GAS7: variants seen among roughly 807,000 people sequenced by gnomAD.
The protein encoded by GAS7 is growth arrest specific 7.
A neutral mutation model predicts 71.1 loss-of-function variants in GAS7; 28 were observed. That is an observed-to-expected ratio of 0.39 (90% CI 0.29 to 0.54). The LOEUF (loss-of-function observed/expected upper bound fraction) is 0.54. Ranked by LOEUF, GAS7 falls within the 20% of genes least tolerant of loss-of-function variation. GAS7 has a pLI of 0.62. For synonymous variants in GAS7, 258 were observed against 245.8 expected (o/e 1.05, Z -0.46); for missense variants, 436 against 627.8 (o/e 0.69, Z 3.27).
intron 1 of GAS7, among the ~76,000 whole-genome samples, chr17:10,114,782 C>T (rs2073844899): frequency 6.6e-6 from 1 of 152,050 alleles, no homozygotes; most frequent in Non-Finnish European, 1.5e-5. Flanking sequence ...TTTTTCCACA[C>T]CCTAGAACTT....
At chr17:10,119,205 T>C (rs1355979185) in intron 1 of GAS7, among the ~76,000 whole-genome samples, 5 of 152,180 alleles carry the variant, frequency 3.3e-5, no homozygotes, top group Non-Finnish European at 5.9e-5. Flanking sequence ...ATCGGGGGAA[T>C]AGAACATGGT....
intron 1 of GAS7, among the ~76,000 whole-genome samples, chr17:10,131,482 G>A (rs970323820): frequency 3.9e-5 from 6 of 152,154 alleles, no homozygotes; most frequent in Non-Finnish European, 8.8e-5. Flanking sequence ...AATTAGCCAG[G>A]CGTGTGGCAC....
chr17:9,998,586 G>GT (rs1277918350), intron 2 of GAS7, among the ~76,000 whole-genome samples: 3 of 152,004 alleles, frequency 2.0e-5, no homozygotes, highest in Admixed American at 2.0e-4. Flanking sequence ...GGGCAATATA[G>GT]TGAGACCCCT....
intron 1 of GAS7, among the ~76,000 whole-genome samples, chr17:10,195,202 A>G (rs534970053): frequency 6.6e-6 from 1 of 152,260 alleles, no homozygotes; most frequent in South Asian, 2.1e-4. Flanking sequence ...GATTGCCCCA[A>G]AAACCAAGAC....
At chr17:9,983,694 C>T (rs1597611321) in intron 2 of GAS7, among the ~76,000 whole-genome samples, 3 of 151,004 alleles carry the variant, frequency 2.0e-5, no homozygotes, top group East Asian at 2.0e-4. Context: ...GGCTGAAGCA[C>T]GAGAATCGCT....
At position 10,136,705 on chromosome 17, in the gene GAS7, C is replaced by T. The variant is rs184717521; in HGVS notation, c.183+61503G>A. 1.5e-3 allele frequency among the ~76,000 whole-genome samples: 226 copies of T among 152,296 alleles called. 1 individual carries two copies. Among genetic ancestry groups the T allele is most frequent in the African/African-American group, 5.3e-3 (221 of 41,556 alleles). ...GGGCAGCCAGCGTGATCCTGCAAGA[C>T]ACGAAGACTGATTGTGTCGCCTACA... On this transcript the variant is annotated intron_variant, in intron 1 of 13. Transcript: ENST00000432992.
At chr17:10,112,840 G>GAAAGA (rs907474360) in intron 1 of GAS7, among the ~76,000 whole-genome samples, 1 of 149,344 alleles carries the variant, frequency 6.7e-6, no homozygotes, top group Non-Finnish European at 1.5e-5. Flanking sequence ...AGGAAGGAAA[G>GAAAGA]AAAGAAAAGA....
chr17:10,179,495 C>G (rs2074398686), intron 1 of GAS7, among the ~76,000 whole-genome samples: 2 of 152,166 alleles, frequency 1.3e-5, no homozygotes, highest in African/African-American at 4.8e-5. Context: ...AGATTCCCCT[C>G]CCCTTCAATC....
rs75391256 is a variant in GAS7 at position 10,176,168 on chromosome 17, A to G, written c.183+22040T>C. Among the ~76,000 whole-genome samples, 967 of 152,370 alleles carry G rather than the reference A, an allele frequency of 6.3e-3. 5 individuals are homozygous for G. Among genetic ancestry groups the G allele is most frequent in the Non-Finnish European group, 0.011 (729 of 68,028 alleles). On this transcript the variant is annotated intron_variant, in intron 1 of 13. Coordinates refer to ENST00000432992, the MANE Select transcript of GAS7 (RefSeq NM_201433.2). The stretch of plus-strand genomic sequence containing the variant: ...CAGAGCTCTTACTGCAAATGATTAA[A>G]GCTTGTCTGGGCCAAGAATTCCAAC...
chr17:9,971,177 G>A (rs906637024), intron 3 of GAS7, among the ~76,000 whole-genome samples: 2 of 152,096 alleles, frequency 1.3e-5, no homozygotes, highest in Non-Finnish European at 2.9e-5. Flanking sequence ...TGGGAGGATC[G>A]CTTGAGTCCA....
chr17:10,086,094 C>T (rs779350146), intron 1 of GAS7, among the ~76,000 whole-genome samples: 3 of 152,202 alleles, frequency 2.0e-5, no homozygotes, highest in Non-Finnish European at 4.4e-5. Flanking sequence ...CAGGCAGGCG[C>T]GACCATGAAT....
Position 9,919,830 on chromosome 17 carries a change from G to C in GAS7, c.1139-125C>G. On this transcript the variant is annotated intron_variant, in intron 11 of 13. Coordinates refer to ENST00000432992, the MANE Select transcript of GAS7 (RefSeq NM_201433.2). The surrounding 1 kb of genome is among the most constrained non-coding windows in gnomAD (Gnocchi z 5.0). ...GGTCATGGTGGCCGCTGGAAAGCTG[G>C]AAAAGGGATGGCAGTAGGAAGAAGA... The C allele has an allele frequency of 1.3e-6, 1 of 761,080 alleles. No individual in the cohort carries two copies. Among genetic ancestry groups the C allele is most frequent in the South Asian group, 1.4e-5 (1 of 69,666 alleles). 47.1% of individuals were successfully genotyped at this position (761,080 alleles called of 1,614,324 possible).
At chr17:10,007,607 C>T (rs1413779593) in intron 2 of GAS7, among the ~76,000 whole-genome samples, 1 of 111,402 alleles carries the variant, frequency 9.0e-6, no homozygotes, top group Non-Finnish European at 1.7e-5. Context: ...GCCTGGGAGA[C>T]ACAGCAAGAT....
intron 1 of GAS7, among the ~76,000 whole-genome samples, chr17:10,095,470 T>C (rs1597788812): frequency 6.6e-6 from 1 of 152,158 alleles, no homozygotes; most frequent in Non-Finnish European, 1.5e-5. Flanking sequence ...CCTGTGGCAG[T>C]GGAATTTATA....
At chr17:10,164,214 G>A (rs1449192800) in intron 1 of GAS7, among the ~76,000 whole-genome samples, 8 of 151,766 alleles carry the variant, frequency 5.3e-5, no homozygotes, top group African/African-American at 1.5e-4. Context: ...AGGCCGAGGC[G>A]GGCAGATCAC....
chr17:10,039,003 C>T (rs1004129852), intron 1 of GAS7, among the ~76,000 whole-genome samples: 1 of 152,112 alleles, frequency 6.6e-6, no homozygotes, highest in East Asian at 1.9e-4. Context: ...AAATTAATAG[C>T]GACAGGTTGC....
intron 2 of GAS7, among the ~76,000 whole-genome samples, chr17:10,006,922 T>G (rs1010698382): frequency 5.3e-5 from 8 of 152,216 alleles, no homozygotes; most frequent in Non-Finnish European, 1.2e-4. Flanking sequence ...TTGAGTTGTT[T>G]GTCTTCAATA....
chr17:10,175,190 A>G (rs2074364391), intron 1 of GAS7, among the ~76,000 whole-genome samples: 1 of 146,654 alleles, frequency 6.8e-6, no homozygotes, highest in South Asian at 2.1e-4. Context: ...AGTGAACTAT[A>G]TAACCCTTCA....
In GAS7 at chr17:9,996,888, C is replaced by A. The variant is rs57793158; in HGVS notation, c.305-15004G>T. 4.6e-3 allele frequency among the ~76,000 whole-genome samples: 703 copies of A among 152,206 alleles called. 9 individuals carry two copies. Among genetic ancestry groups the A allele is most frequent in the African/African-American group, 0.016 (672 of 41,520 alleles). On this transcript the variant is annotated intron_variant, in intron 2 of 13. Transcript: ENST00000432992. ...CTCCTGATCTCAGGTGATCTGCCCA[C>A]CTCGGCCTCCCAAAGTGCTGGGATT... is the stretch of plus-strand genomic sequence containing the variant.
Sources: allele counts gnomAD v4.1 joint callset (sites outside exome capture counted in the v4.1 genomes callset), GRCh38; gene constraint gnomAD v4.1.1; non-coding constraint Gnocchi (gnomAD v3.1); transcripts MANE v1.5; gene names NCBI Gene and HGNC (gene_info 2026-07-23, HGNC 2026-07-21).